The following RBM33 variants were observed in gnomAD, a reference collection of about 807,000 sequenced individuals.
RBM33 encodes the protein RNA-binding protein 33.
Under a neutral mutation model 132.6 loss-of-function variants are expected in RBM33, and 28 were observed. The observed-to-expected ratio is 0.21, with a 90% confidence interval of 0.16 to 0.29. RBM33 has a LOEUF of 0.29. Ranked by LOEUF, RBM33 falls within the 10% of genes least tolerant of loss-of-function variation. The pLI, the probability that RBM33 is intolerant of heterozygous loss-of-function variation, is 1.00. For missense variants in RBM33, 1,291 were observed against 1,518.5 expected (o/e 0.85, Z 2.49); for synonymous variants, 634 against 593.0 (o/e 1.07, Z -1.01).
chr7:155,751,776 T>G (rs1317851916), intron 14 of RBM33, among the ~76,000 whole-genome samples: 1 of 145,056 alleles, frequency 6.9e-6, no homozygotes, highest in East Asian at 2.1e-4. Flanking sequence ...GTTACAGTTT[T>G]ACCCTTTGTA....
At chr7:155,676,164 C>T (rs1251523485) in intron 3 of RBM33, among the ~76,000 whole-genome samples, 2 of 152,064 alleles carry the variant, frequency 1.3e-5, no homozygotes, top group Admixed American at 6.5e-5. Context: ...CCGAGGGAGG[C>T]GCATAGTACT....
At chr7:155,697,221 T>C (rs1399596356) in intron 5 of RBM33, among the ~76,000 whole-genome samples, 1 of 152,208 alleles carries the variant, frequency 6.6e-6, no homozygotes, top group Non-Finnish European at 1.5e-5. Context: ...TCCATAGATT[T>C]GGAATTCTTC....
intron 5 of RBM33, among the ~76,000 whole-genome samples, chr7:155,699,855 A>C (rs527311685): frequency 1.2e-3 from 176 of 152,330 alleles, no homozygotes; most frequent in African/African-American, 4.1e-3. Flanking sequence ...ATTAAGAGTA[A>C]ATAACATTTA....
At chr7:155,714,048 C>T (rs1291400089) in intron 8 of RBM33, among the ~76,000 whole-genome samples, 2 of 152,032 alleles carry the variant, frequency 1.3e-5, no homozygotes, top group Non-Finnish European at 1.5e-5. Context: ...AGGAGAGGCG[C>T]TTTGGAGCAT....
chr7:155,677,233 T>C (rs1246683033), intron 3 of RBM33, among the ~76,000 whole-genome samples: 1 of 151,718 alleles, frequency 6.6e-6, no homozygotes, highest in African/African-American at 2.4e-5. Flanking sequence ...TTTTTTTTTT[T>C]TTTGAGATGG....
chr7:155,700,258 T>G (rs1274773889), intron 5 of RBM33, among the ~76,000 whole-genome samples: 1 of 152,184 alleles, frequency 6.6e-6, no homozygotes, highest in African/African-American at 2.4e-5. Flanking sequence ...TGAGAAATGA[T>G]GAAAGGATTT....
intron 9 of RBM33, among the ~76,000 whole-genome samples, chr7:155,725,346 A>G (rs546985743): frequency 7.2e-5 from 11 of 151,738 alleles, no homozygotes; most frequent in African/African-American, 2.7e-4. Context: ...GTAAAAAATT[A>G]TTATTTTTTG....
At chr7:155,701,000 A>G (rs1799945138) in intron 6 of RBM33, 56 bp downstream of exon 6, 8 of 1,412,694 alleles carry the variant, frequency 5.7e-6, no homozygotes, top group Non-Finnish European at 7.9e-6. Flanking sequence ...CTTCCTCCAT[A>G]GTATTGCTGT....
At chr7:155,710,760 G>A (rs1012932870) in intron 7 of RBM33, among the ~76,000 whole-genome samples, 2 of 151,700 alleles carry the variant, frequency 1.3e-5, no homozygotes, top group African/African-American at 4.9e-5. Flanking sequence ...CAGTTCTGGA[G>A]CAGGGTAACT....
intron 8 of RBM33, 88 bp downstream of exon 8, chr7:155,711,543 A>G (rs1208193408): frequency 1.3e-6 from 1 of 794,396 alleles, no homozygotes; most frequent in Non-Finnish European, 1.8e-6. Flanking sequence ...CGCGTTTTTG[A>G]CTTCATGAGT....
chr7:155,777,008 T>C lies in RBM33; in HGVS notation c.*1967T>C, dbSNP rs1802634587. On this transcript the variant is annotated 3_prime_UTR_variant, in exon 18 of 18. Transcript: ENST00000401878. The stretch of plus-strand genomic sequence containing the variant: ...TGGGAAGGCCTACCGACTTACTTTA[T>C]CATTGAGGGCTTACTGATACAATGA... 1 of 152,260 alleles carries C rather than the reference T, an allele frequency of 6.6e-6. No individual in the cohort carries two copies. Among genetic ancestry groups the C allele is most frequent in the Non-Finnish European group, 1.5e-5 (1 of 68,036 alleles). The allele number at this position is 152,260 out of a possible 1,614,324, so 9.4% of individuals were successfully genotyped here. A position where few individuals can be genotyped will look rare whatever the true frequency, so the allele number is the denominator to read the frequency against.
At position 155,777,311 on chromosome 7, in the gene RBM33, A is replaced by T. The variant is rs1585562158; in HGVS notation, c.*2270A>T. On this transcript the variant is annotated 3_prime_UTR_variant, in exon 18 of 18. Coordinates refer to ENST00000401878, the MANE Select transcript of RBM33 (RefSeq NM_053043.3). ...CACGTGCACATAGGCAGACTTTCTC[A>T]TAGAATGTTCTTGAAAGGTGATTGG... 6.6e-6 allele frequency: 1 copy of T among 152,474 alleles called. No individual in the cohort carries two copies. The highest frequency in any genetic ancestry group is 1.5e-5 in the Non-Finnish European group (1 of 68,068). The allele number at this position is 152,474 out of a possible 1,614,324, so 9.4% of individuals were successfully genotyped here.
At chr7:155,712,549 A>G (rs1268550105) in intron 8 of RBM33, among the ~76,000 whole-genome samples, 1 of 152,228 alleles carries the variant, frequency 6.6e-6, no homozygotes, top group East Asian at 1.9e-4. Context: ...GATGCGGGGA[A>G]GGGATGGGTT....
At position 155,706,846 on chromosome 7, in the gene RBM33, A is replaced by AT. The variant is rs757663359; in HGVS notation, c.740-8dup. The AT allele has an allele frequency of 5.7e-6, 9 of 1,584,356 alleles. 1 individual carries two copies. Among genetic ancestry groups the AT allele is most frequent in the South Asian group, 3.5e-5 (3 of 86,276 alleles). On this transcript the variant is annotated splice_polypyrimidine_tract_variant and intron_variant, in intron 6 of 17. Coordinates refer to ENST00000401878, the MANE Select transcript of RBM33 (RefSeq NM_053043.3). ...CTCGGAAAGTAACTAACACATACACATTTTTTCACATAGAGCTTTCAGCAG... is the reference window on the plus strand; with the variant it reads ...CTCGGAAAGTAACTAACACATACACATTTTTTTCACATAGAGCTTTCAGCAG...
At chr7:155,655,355 A>G (rs1305349300) in intron 1 of RBM33, among the ~76,000 whole-genome samples, 3 of 151,578 alleles carry the variant, frequency 2.0e-5, no homozygotes, top group South Asian at 2.1e-4. Flanking sequence ...TTTGTTGGGC[A>G]TTTGGTTTAT....
chr7:155,653,499 T>C (rs1168686357), intron 1 of RBM33, among the ~76,000 whole-genome samples: 1 of 151,106 alleles, frequency 6.6e-6, no homozygotes, highest in African/African-American at 2.4e-5. Context: ...CTAGATAGCT[T>C]TGGGGTGGGG....
At chr7:155,677,922 A>T (rs2116919231) in intron 3 of RBM33, among the ~76,000 whole-genome samples, 1 of 152,310 alleles carries the variant, frequency 6.6e-6, no homozygotes, top group East Asian at 1.9e-4. Context: ...AAAGGGAGGA[A>T]CGTGTGAAGT....
rs909420508 is a variant in RBM33 at position 155,777,148 on chromosome 7, T to C, written c.*2107T>C. ...AAAGTAGGCATTGAAACAGACTTTT[T>C]TGTAGTCAGTGTTAATAAAACGGAT... On this transcript the variant is annotated 3_prime_UTR_variant, in exon 18 of 18. Transcript: ENST00000401878. 1 of 152,604 alleles carries C rather than the reference T, an allele frequency of 6.6e-6. No individual in the cohort carries two copies. Among genetic ancestry groups the C allele is most frequent in the African/African-American group, 2.4e-5 (1 of 41,428 alleles). The allele number at this position is 152,604 out of a possible 1,614,324, so 9.5% of individuals were successfully genotyped here.
intron 5 of RBM33, among the ~76,000 whole-genome samples, chr7:155,692,065 G>A (rs1449437549): frequency 2.7e-5 from 4 of 148,640 alleles, no homozygotes; most frequent in Admixed American, 6.7e-5. Context: ...AAAAAAAAAA[G>A]AAAATTTTTT....
Sources: gnomAD v4.1 joint callset for allele counts (sites outside exome capture counted in the v4.1 genomes callset) on GRCh38, gnomAD v4.1.1 for gene constraint, MANE v1.5 for transcripts, NCBI Gene and HGNC (gene_info 2026-07-23, HGNC 2026-07-21) for gene names.